The following WDR41 variants were observed in gnomAD, a reference collection of about 807,000 sequenced individuals.
WDR41 encodes the protein WD repeat-containing protein 41.
A neutral mutation model predicts 69.3 loss-of-function variants in WDR41; 63 were observed. The ratio of observed to expected loss-of-function variants is 0.91; its 90% CI spans 0.74 to 1.12. The LOEUF is 1.12. Ranked by LOEUF, WDR41 falls within the 50% of genes most tolerant of loss-of-function variation. WDR41 has a pLI of 0.00. For synonymous variants in WDR41, 185 were observed against 192.1 expected (o/e 0.96, Z 0.31); for missense variants, 543 against 534.5 (o/e 1.02, Z -0.16).
At chr5:77,611,245 A>C (rs1485556620) in intron 1 of WDR41, among the ~76,000 whole-genome samples, 1 of 152,174 alleles carries the variant, frequency 6.6e-6, no homozygotes, top group Non-Finnish European at 1.5e-5. Context: ...TAGACAGATC[A>C]ACAAGACAGA....
intron 1 of WDR41, among the ~76,000 whole-genome samples, chr5:77,586,393 A>C (rs1380940473): frequency 6.6e-6 from 1 of 151,976 alleles, no homozygotes; most frequent in Admixed American, 6.6e-5. Flanking sequence ...TGTAGCCTCT[A>C]CCTTCTGGAT....
intron 1 of WDR41, among the ~76,000 whole-genome samples, chr5:77,522,613 C>G (rs1238593802): frequency 6.6e-6 from 1 of 152,058 alleles, no homozygotes; most frequent in East Asian, 1.9e-4. Context: ...GCACTCTAGC[C>G]TGGCAACAGA....
chr5:77,615,873 A>T (rs189097824), intron 1 of WDR41, among the ~76,000 whole-genome samples: 121 of 152,080 alleles, frequency 8.0e-4, no homozygotes, highest in African/African-American at 2.9e-3. Context: ...TATGCCTGTA[A>T]TCCCAGATAC....
intron 2 of WDR41, among the ~76,000 whole-genome samples, chr5:77,482,343 T>G (rs1223032843): frequency 1.3e-5 from 2 of 152,246 alleles, no homozygotes; most frequent in Non-Finnish European, 2.9e-5. Context: ...CAAATTTAGC[T>G]GATCGTAATT....
At chr5:77,568,961 A>C (rs900700374) in intron 1 of WDR41, among the ~76,000 whole-genome samples, 3 of 152,152 alleles carry the variant, frequency 2.0e-5, no homozygotes, top group African/African-American at 7.2e-5. Context: ...GCAGTGTCAC[A>C]GAGTGGTCCC....
At chr5:77,580,142 A>G (rs528915365) in intron 1 of WDR41, among the ~76,000 whole-genome samples, 1 of 152,354 alleles carries the variant, frequency 6.6e-6, no homozygotes, top group Non-Finnish European at 1.5e-5. Context: ...GTTTATTCTG[A>G]TAAGTAAATG....
intron 2 of WDR41, among the ~76,000 whole-genome samples, chr5:77,482,657 A>G (rs185597988): frequency 4.5e-4 from 69 of 152,218 alleles, no homozygotes; most frequent in African/African-American, 1.5e-3. Context: ...TGTATACTCC[A>G]TCCGGAAATA....
chr5:77,536,377 ACT>A lies in WDR41; in HGVS notation c.43-46807_43-46806del, dbSNP rs542442770. Among the ~76,000 whole-genome samples the A allele has an allele frequency of 1.5e-3, 230 of 152,012 alleles. 3 individuals carry two copies. The highest frequency in any genetic ancestry group is 5.3e-3 in the African/African-American group (221 of 41,500). ...AAAACTACCTATAAATGAAACAAGG[ACT>A]CTCAGAGATTCATAAGCAAAGTGTT... is the stretch of plus-strand genomic sequence containing the variant. On this transcript the variant is annotated intron_variant, in intron 1 of 5. Coordinates refer to the WDR41 transcript ENST00000509971.
Position 77,434,103 on chromosome 5 carries a change from G to C in WDR41, c.1228-816C>G, listed in dbSNP as rs368669409. On this transcript the variant is annotated intron_variant, in intron 12 of 12. Transcript: ENST00000296679. ...TCAGCACTTCGGGAGGCTGAGGTGG[G>C]TGGACTGCCTGAGGTCAGGAGTTTA... Among the ~76,000 whole-genome samples, 21 of 152,318 alleles carry C rather than the reference G, an allele frequency of 1.4e-4. No individual in the cohort carries two copies. The East Asian group carries it at 3.5e-3, about 25-fold the overall frequency.
chr5:77,529,591 G>A (rs527448993), intron 1 of WDR41, among the ~76,000 whole-genome samples: 1 of 151,682 alleles, frequency 6.6e-6, no homozygotes, highest in South Asian at 2.1e-4. Flanking sequence ...AACAAAGTGA[G>A]AAGACTTGCT....
chr5:77,551,887 G>A (rs1418651826), intron 1 of WDR41, among the ~76,000 whole-genome samples: 2 of 151,724 alleles, frequency 1.3e-5, no homozygotes, highest in African/African-American at 2.4e-5. Context: ...CTAGAGGCAT[G>A]AGAATCGCTT....
At chr5:77,467,740 G>A (rs953382997) in intron 2 of WDR41, among the ~76,000 whole-genome samples, 7 of 152,014 alleles carry the variant, frequency 4.6e-5, no homozygotes, top group Non-Finnish European at 8.8e-5. Context: ...ACATTTAAGT[G>A]TTCAAGGGCT....
chr5:77,532,678 T>A (rs1215873743), intron 1 of WDR41, among the ~76,000 whole-genome samples: 3 of 151,788 alleles, frequency 2.0e-5, no homozygotes, highest in African/African-American at 7.3e-5. Flanking sequence ...CTCCTAAACA[T>A]AATAGCAAAT....
intron 2 of WDR41, among the ~76,000 whole-genome samples, chr5:77,487,712 G>A (rs541498221): frequency 3.0e-4 from 45 of 152,242 alleles, no homozygotes; most frequent in African/African-American, 1.1e-3. Context: ...CTCACAGTGG[G>A]CCCTGAGATA....
At chr5:77,485,015 A>G (rs1337673272) in intron 2 of WDR41, among the ~76,000 whole-genome samples, 1 of 152,254 alleles carries the variant, frequency 6.6e-6, no homozygotes, top group African/African-American at 2.4e-5. Flanking sequence ...CTAGTTATTT[A>G]CATCCAGTAG....
Position 77,492,206 on chromosome 5 carries a change from C to G in WDR41, c.15G>C (p.Leu5=). The G allele has an allele frequency of 6.2e-7, 1 of 1,612,696 alleles. No homozygotes were observed. Among genetic ancestry groups the G allele is most frequent in the Non-Finnish European group, 8.5e-7 (1 of 1,179,582 alleles). The change falls in exon 1 of 13, where the codon CTG becomes CTC. Residue 5 remains leucine, a synonymous_variant. Transcript: ENST00000296679. ...CCTGCGGTTCTCGGCCTCCCCCGAT[C>G]AGCCATCGCAACATCCGGGCAGCGG... The part of the protein sequence containing the change: MLRW[L]IGGGREPQGL...
chr5:77,600,009 C>A (rs747658919), intron 1 of WDR41, among the ~76,000 whole-genome samples: 1 of 152,128 alleles, frequency 6.6e-6, no homozygotes, highest in African/African-American at 2.4e-5. Flanking sequence ...CATTCTCTTG[C>A]GGATCATGGC....
In WDR41 at chr5:77,451,463, C is replaced by T; in HGVS notation, c.524-110G>A. ...CGTTTTCCATAAAGAAGATAAAGCA[C>T]ACAGAACTAGCTCCACACACACTTC... On this transcript the variant is annotated intron_variant, in intron 6 of 12. Coordinates refer to ENST00000296679, the MANE Select transcript of WDR41 (RefSeq NM_018268.4). 3.2e-6 allele frequency: 3 copies of T among 923,334 alleles called. No individual in the cohort carries two copies. The East Asian group carries it at 7.6e-5, about 23-fold the overall frequency. The allele number at this position is 923,334 out of a possible 1,614,324, so 57.2% of individuals were successfully genotyped here.
intron 1 of WDR41, among the ~76,000 whole-genome samples, chr5:77,490,325 G>A (rs1296352924): frequency 6.6e-6 from 1 of 151,966 alleles, no homozygotes; most frequent in Non-Finnish European, 1.5e-5. Context: ...CAGCATCCCT[G>A]GTCTATACAC....
Sources: allele counts gnomAD v4.1 joint callset (sites outside exome capture counted in the v4.1 genomes callset), GRCh38; gene constraint gnomAD v4.1.1; transcripts MANE v1.5; gene names NCBI Gene and HGNC (gene_info 2026-07-23, HGNC 2026-07-21).